The following IMMP2L variants were observed in gnomAD, a reference collection of about 807,000 sequenced individuals.
IMMP2L encodes inner mitochondrial membrane peptidase subunit 2.
Under a neutral mutation model 19.3 loss-of-function variants are expected in IMMP2L, and 18 were observed. The ratio of observed to expected loss-of-function variants is 0.93; its 90% CI spans 0.64 to 1.38. The LOEUF (loss-of-function observed/expected upper bound fraction) is 1.38, where lower values mean the gene tolerates loss of function less well. IMMP2L is among the 40% of genes most tolerant of loss of function. The pLI is 0.00. For synonymous variants in IMMP2L, 76 were observed against 73.0 expected (o/e 1.04, Z -0.21); for missense variants, 233 against 218.2 (o/e 1.07, Z -0.43).
chr7:111,554,123 C>G (rs1168784026), intron 1 of IMMP2L, among the ~76,000 whole-genome samples: 2 of 152,208 alleles, frequency 1.3e-5, no homozygotes, highest in Non-Finnish European at 2.9e-5. Context: ...TCCACCCTGA[C>G]TGCCATGAGG....
At chr7:110,674,358 T>C (rs1056452666) in intron 5 of IMMP2L, among the ~76,000 whole-genome samples, 1 of 152,134 alleles carries the variant, frequency 6.6e-6, no homozygotes, top group Admixed American at 6.6e-5. Flanking sequence ...ATTCAAGATA[T>C]GATTTGGGTG....
intron 5 of IMMP2L, among the ~76,000 whole-genome samples, chr7:110,843,105 G>C (rs1381015566): frequency 6.8e-6 from 1 of 147,156 alleles, no homozygotes; most frequent in Non-Finnish European, 1.5e-5. Flanking sequence ...CAATCTTTAT[G>C]AGGAGTAACA....
intron 5 of IMMP2L, among the ~76,000 whole-genome samples, chr7:110,753,715 T>C (rs1187202526): frequency 6.6e-6 from 1 of 151,098 alleles, no homozygotes; most frequent in Non-Finnish European, 1.5e-5. Flanking sequence ...GCCAAAAAGG[T>C]AAGAGGCTTT....
intron 5 of IMMP2L, among the ~76,000 whole-genome samples, chr7:110,809,604 A>C (rs1801885889): frequency 6.6e-6 from 1 of 152,034 alleles, no homozygotes; most frequent in Admixed American, 6.6e-5. Context: ...AAAAGGTAAT[A>C]TTACTTTATG....
rs201919924 is a variant in IMMP2L, at chr7:110,663,573, A to G, written c.*29T>C. The G allele has an allele frequency of 6.9e-5, 111 of 1,611,732 alleles. No homozygotes were observed. Among genetic ancestry groups the G allele is most frequent in the East Asian group, 4.7e-4 (21 of 44,810 alleles). ...TTCCTTTCCAGTAACTGGCCTCCCA[A>G]TGCCAGCAACTCAGGTAGATTCATG... On this transcript the variant is annotated 3_prime_UTR_variant, in exon 6 of 6. Transcript: ENST00000405709.
chr7:110,998,827 C>T (rs1823318454), intron 3 of IMMP2L, among the ~76,000 whole-genome samples: 1 of 152,112 alleles, frequency 6.6e-6, no homozygotes, highest in African/African-American at 2.4e-5. Flanking sequence ...AGTTGTACAG[C>T]CCCCTCAGAT....
chr7:110,775,620 A>G (rs906846188), intron 5 of IMMP2L, among the ~76,000 whole-genome samples: 1 of 152,108 alleles, frequency 6.6e-6, no homozygotes, highest in Non-Finnish European at 1.5e-5. Flanking sequence ...ACCTAGAGGA[A>G]CCCTCAAAAT....
chr7:111,489,137 G>A (rs901862841), intron 2 of IMMP2L, among the ~76,000 whole-genome samples: 8 of 142,782 alleles, frequency 5.6e-5, no homozygotes, highest in Non-Finnish European at 1.0e-4. Flanking sequence ...TCCGCCTCCC[G>A]GGTTCATGCC....
At chr7:111,157,755 A>T (rs985697303) in intron 3 of IMMP2L, among the ~76,000 whole-genome samples, 2 of 152,158 alleles carry the variant, frequency 1.3e-5, no homozygotes, top group Non-Finnish European at 2.9e-5. Context: ...CAGAAAGAAT[A>T]AATGCTTGAG....
chr7:111,083,398 G>T (rs1382796354), intron 3 of IMMP2L, among the ~76,000 whole-genome samples: 1 of 152,072 alleles, frequency 6.6e-6, no homozygotes, highest in African/African-American at 2.4e-5. Context: ...AACATTTTGG[G>T]GTTGAAAAAC....
At chr7:111,128,823 C>CA (rs1003183417) in intron 3 of IMMP2L, among the ~76,000 whole-genome samples, 7 of 151,016 alleles carry the variant, frequency 4.6e-5, no homozygotes, top group East Asian at 3.9e-4. Context: ...GACTCCGTCT[C>CA]AAAAAAAAGA....
At chr7:111,114,133 TACACACAC>T (rs71151831) in intron 3 of IMMP2L, among the ~76,000 whole-genome samples, 1 of 146,580 alleles carries the variant, frequency 6.8e-6, no homozygotes, top group African/African-American at 2.5e-5. Flanking sequence ...CACATAAATC[TACACACAC>T]ACACACACAC....
At chr7:111,458,260 C>T (rs1025800638) in intron 3 of IMMP2L, among the ~76,000 whole-genome samples, 1 of 151,868 alleles carries the variant, frequency 6.6e-6, no homozygotes, top group African/African-American at 2.4e-5. Context: ...CGCCTGTACT[C>T]CCCAGCTACT....
intron 5 of IMMP2L, among the ~76,000 whole-genome samples, chr7:110,739,236 T>C (rs1230735962): frequency 6.6e-6 from 1 of 152,144 alleles, no homozygotes; most frequent in East Asian, 1.9e-4. Flanking sequence ...TTAATGTAAA[T>C]GGCCTAAATG....
At chr7:111,314,393 T>C (rs994172268) in intron 3 of IMMP2L, among the ~76,000 whole-genome samples, 3 of 152,162 alleles carry the variant, frequency 2.0e-5, no homozygotes, top group South Asian at 2.1e-4. Context: ...AAGAAAAGGT[T>C]AGACAGGCAA....
chr7:111,299,579 A>G (rs550708762), intron 3 of IMMP2L, among the ~76,000 whole-genome samples: 2 of 152,042 alleles, frequency 1.3e-5, no homozygotes, highest in East Asian at 3.9e-4. Context: ...AGCAGAAAAA[A>G]AAAAAAAAAA....
chr7:111,540,126 A>G (rs1464797773), intron 1 of IMMP2L, among the ~76,000 whole-genome samples: 2 of 152,190 alleles, frequency 1.3e-5, no homozygotes, highest in East Asian at 3.8e-4. Flanking sequence ...ATAGTTTCTT[A>G]GTAGAAAGAT....
At position 111,405,618 on chromosome 7, in the gene IMMP2L, G is replaced by A. The variant is rs191390556; in HGVS notation, c.239+81620C>T. Among the ~76,000 whole-genome samples the A allele has an allele frequency of 1.9e-3, 293 of 152,184 alleles. 4 individuals carry two copies. The highest frequency in any genetic ancestry group is 0.018 in the Admixed American group (274 of 15,288). On this transcript the variant is annotated intron_variant, in intron 3 of 5. Transcript: ENST00000405709. ...CTTAAAAACATAGTTGAAGTGAGGA[G>A]AAACATAAATGATAACCTAATCACA...
At chr7:111,343,437 T>C (rs1827223875) in intron 3 of IMMP2L, among the ~76,000 whole-genome samples, 1 of 152,050 alleles carries the variant, frequency 6.6e-6, no homozygotes, top group African/African-American at 2.4e-5. Flanking sequence ...TACCACACTA[T>C]ATCCTGTCCT....
Sources: gnomAD v4.1 joint callset for allele counts (sites outside exome capture counted in the v4.1 genomes callset) on GRCh38, gnomAD v4.1.1 for gene constraint, MANE v1.5 for transcripts, NCBI Gene and HGNC (gene_info 2026-07-23, HGNC 2026-07-21) for gene names.